Variants in ADAMTSL3 observed in about 807,000 individuals in gnomAD.
The protein encoded by ADAMTSL3 is ADAMTS-like protein 3.
ADAMTSL3 carries 128 observed loss-of-function variants against 201.7 expected under a neutral mutation model. The ratio of observed to expected loss-of-function variants is 0.63; its 90% confidence interval spans 0.55 to 0.73. The LOEUF (loss-of-function observed/expected upper bound fraction) is 0.73, where lower values mean the gene tolerates loss of function less well. ADAMTSL3 is among the 30% of genes least tolerant of loss of function. ADAMTSL3 has a pLI of 0.00. For synonymous variants in ADAMTSL3, 738 were observed against 748.4 expected (o/e 0.99, Z 0.23); for missense variants, 1,990 against 2,119.6 (o/e 0.94, Z 1.20).
At chr15:84,012,202 C>G (rs1232628695) in intron 23 of ADAMTSL3, among the ~76,000 whole-genome samples, 1 of 152,066 alleles carries the variant, frequency 6.6e-6, no homozygotes, top group Non-Finnish European at 1.5e-5. Context: ...ATTATGTCAC[C>G]TATGTTGCAC....
chr15:83,926,818 T>C (rs1041207776), intron 17 of ADAMTSL3, among the ~76,000 whole-genome samples: 2 of 152,178 alleles, frequency 1.3e-5, no homozygotes, highest in African/African-American at 4.8e-5. Context: ...GGTTTCACCA[T>C]GTTGGCTAGG....
At chr15:83,827,416 T>A (rs1052500629) in intron 6 of ADAMTSL3, among the ~76,000 whole-genome samples, 27 of 152,220 alleles carry the variant, frequency 1.8e-4, no homozygotes, top group African/African-American at 6.5e-4. Context: ...TATTAGCCCT[T>A]TGTCAGACGA....
chr15:83,876,161 C>G (rs992554307), intron 9 of ADAMTSL3, among the ~76,000 whole-genome samples: 7 of 152,092 alleles, frequency 4.6e-5, no homozygotes, highest in Non-Finnish European at 7.4e-5. Context: ...ATGGTATTCC[C>G]TTATTGTTAA....
At chr15:83,809,650 A>G (rs1294097998) in intron 5 of ADAMTSL3, among the ~76,000 whole-genome samples, 4 of 152,192 alleles carry the variant, frequency 2.6e-5, no homozygotes, top group African/African-American at 7.2e-5. Context: ...GCCCCAGGCA[A>G]TCACTAACCA....
intron 15 of ADAMTSL3, among the ~76,000 whole-genome samples, chr15:83,903,704 A>T (rs66990951): frequency 0.49 from 73,586 of 150,898 alleles, 20,552 homozygotes; most frequent in African/African-American, 0.75. Context: ...TATCACTTGA[A>T]CTCAGGAGTT....
At chr15:83,839,591 TA>T (rs371123589) in intron 7 of ADAMTSL3, among the ~76,000 whole-genome samples, 2 of 152,114 alleles carry the variant, frequency 1.3e-5, no homozygotes, top group African/African-American at 4.8e-5. Flanking sequence ...GTAGTCCAAA[TA>T]GGAAGTGTCT....
At position 83,913,118 on chromosome 15, in the gene ADAMTSL3, G is replaced by C; in HGVS notation, c.1727G>C (p.Cys576Ser). Residue 576 changes from cysteine to serine, a missense_variant, in exon 16 of 30, where the codon TGC becomes TCC. Coordinates refer to ENST00000286744, the MANE Select transcript of ADAMTSL3 (RefSeq NM_207517.3). ...TTCATTCCAGAACCCTGGTCAGCCT[G>C]CAGTACCACGTGTGGGCCGGGTGTG... The part of the protein sequence containing the change: ...PTFIPEPWSA[C>S]STTCGPGVQV... The C allele has an allele frequency of 6.2e-7, 1 of 1,614,100 alleles. No homozygotes were observed. The highest frequency in any genetic ancestry group is 1.7e-4 in the Middle Eastern group (1 of 6,040).
intron 17 of ADAMTSL3, among the ~76,000 whole-genome samples, chr15:83,933,027 T>G (rs550751554): frequency 6.6e-6 from 1 of 152,368 alleles, no homozygotes; most frequent in East Asian, 1.9e-4. Flanking sequence ...AATTATCACA[T>G]TGAACCATCT....
intron 7 of ADAMTSL3, among the ~76,000 whole-genome samples, chr15:83,841,711 G>C (rs892684634): frequency 6.6e-6 from 1 of 152,002 alleles, no homozygotes; most frequent in African/African-American, 2.4e-5. Flanking sequence ...TCCGCCCTTG[G>C]GCCTGTGCCC....
intron 7 of ADAMTSL3, among the ~76,000 whole-genome samples, chr15:83,839,892 A>G (rs1226937299): frequency 6.6e-6 from 1 of 152,126 alleles, no homozygotes; most frequent in Non-Finnish European, 1.5e-5. Flanking sequence ...TCTCTCCAAA[A>G]TTTTCACCCC....
chr15:83,807,805 C>A (rs765616085), intron 5 of ADAMTSL3, among the ~76,000 whole-genome samples: 9 of 152,136 alleles, frequency 5.9e-5, no homozygotes, highest in African/African-American at 1.2e-4. Context: ...AGATCAGTGG[C>A]ACAGATTAGA....
intron 4 of ADAMTSL3, among the ~76,000 whole-genome samples, chr15:83,780,888 T>C (rs896189560): frequency 1.3e-5 from 2 of 152,098 alleles, no homozygotes; most frequent in Non-Finnish European, 2.9e-5. Context: ...TACCTAGGAA[T>C]ACAGCTAACC....
chr15:84,024,332 G>A (rs1471957242), intron 26 of ADAMTSL3, among the ~76,000 whole-genome samples: 1 of 152,108 alleles, frequency 6.6e-6, no homozygotes, highest in Non-Finnish European at 1.5e-5. Context: ...AGATATAGTT[G>A]TGCTTTAATT....
At chr15:83,788,092 G>C (rs2063292636) in intron 4 of ADAMTSL3, among the ~76,000 whole-genome samples, 1 of 151,840 alleles carries the variant, frequency 6.6e-6, no homozygotes, top group Non-Finnish European at 1.5e-5. Flanking sequence ...TTCCACTAGA[G>C]TCAATAATTA....
intron 28 of ADAMTSL3, 52 bp downstream of exon 28, chr15:84,031,484 C>G: frequency 1.3e-6 from 2 of 1,481,966 alleles, no homozygotes; most frequent in Non-Finnish European, 9.4e-7. Context: ...TCACTCAGGA[C>G]AATGATTATA....
chr15:84,004,261 C>T, intron 23 of ADAMTSL3, among the ~76,000 whole-genome samples: 1 of 152,212 alleles, frequency 6.6e-6, no homozygotes, highest in Non-Finnish European at 1.5e-5. Context: ...CACAACATCT[C>T]CCCAGCCCTG....
intron 2 of ADAMTSL3, among the ~76,000 whole-genome samples, chr15:83,669,268 C>T (rs1376755677): frequency 2.0e-5 from 3 of 152,030 alleles, no homozygotes; most frequent in African/African-American, 4.8e-5. Flanking sequence ...GCCTTAGCCA[C>T]CCCAGTAGCT....
At position 83,899,705 on chromosome 15, in the gene ADAMTSL3, G is replaced by C. The variant is rs761179402; in HGVS notation, c.1674G>C (p.Glu558Asp). 12 of 1,611,794 alleles carry C rather than the reference G, an allele frequency of 7.4e-6. No individual in the cohort carries two copies. Among genetic ancestry groups the C allele is most frequent in the Non-Finnish European group, 1.0e-5 (12 of 1,178,636 alleles). ...TGAAACAAGCACAAGAACTAGAAGA[G>C]ACCAGAATAGCAACAGAAGAACCAA... ...PWLKQAQELE[E>D]TRIATEEPTF... The change falls in exon 15 of 30, where the codon GAG becomes GAC. Residue 558 changes from glutamate to aspartate, a missense_variant. Physicochemically the swap from Glu to Asp is conservative, Grantham distance 45. Transcript: ENST00000286744.
chr15:83,899,700 G>A lies in ADAMTSL3; in HGVS notation c.1669G>A (p.Glu557Lys). Residue 557 changes from glutamate (E) to lysine (K), a missense_variant, in exon 15 of 30, where the codon GAA (glutamate) becomes AAA (lysine). Transcript: ENST00000286744. Reference protein sequence around the residue: ...LPWLKQAQELEETRIATEEPT... With the variant: ...LPWLKQAQELKETRIATEEPT... ...TTGGCTGAAACAAGCACAAGAACTA[G>A]AAGAGACCAGAATAGCAACAGAAGA... The A allele has an allele frequency of 4.3e-6, 7 of 1,612,060 alleles. No homozygotes were observed. The highest frequency in any genetic ancestry group is 5.9e-6 in the Non-Finnish European group (7 of 1,178,696).
Sources: allele counts gnomAD v4.1 joint callset (sites outside exome capture counted in the v4.1 genomes callset), GRCh38; gene constraint gnomAD v4.1.1; transcripts MANE v1.5; gene names NCBI Gene and HGNC (gene_info 2026-07-23, HGNC 2026-07-21).